ZDHHC15: variants seen among roughly 807,000 people sequenced by gnomAD.
The protein encoded by ZDHHC15 is zDHHC palmitoyltransferase 15.
A neutral mutation model predicts 31.7 loss-of-function variants in ZDHHC15; 19 were observed. The observed-to-expected ratio is 0.60, with a 90% CI of 0.42 to 0.88. The LOEUF (loss-of-function observed/expected upper bound fraction) is 0.88. Ranked by LOEUF, ZDHHC15 falls within the 40% of genes least tolerant of loss-of-function variation. ZDHHC15 has a pLI of 0.00. For synonymous variants in ZDHHC15, 103 were observed against 90.0 expected (o/e 1.14, Z -0.82); for missense variants, 209 against 251.2 (o/e 0.83, Z 1.14).
In ZDHHC15 at chrX:75,429,092, T is replaced by C. The variant is rs909686699; in HGVS notation, c.589A>G (p.Ile197Val). The change falls in exon 7 of 12, where the codon ATC (isoleucine) becomes GTC (valine). Residue 197 changes from isoleucine to valine, a missense_variant. Ile to Val is a conservative substitution (Grantham distance 29). Coordinates refer to ENST00000373367, the MANE Select transcript of ZDHHC15 (RefSeq NM_144969.3). ...YIATTVFSYFIKYWRGELPSV... is the reference protein window; with the variant it reads ...YIATTVFSYFVKYWRGELPSV... ...TTTTAACTTACTCTCCAGTATTTGATGAAATAGCTGAAGACTGTCGTAGCA... is the reference window on the plus strand; with the variant it reads ...TTTTAACTTACTCTCCAGTATTTGACGAAATAGCTGAAGACTGTCGTAGCA... 5.0e-6 allele frequency: 6 copies of C among 1,208,039 alleles called. No individual in the cohort carries two copies. Among genetic ancestry groups the C allele is most frequent in the Non-Finnish European group, 5.6e-6 (5 of 894,190 alleles).
At chrX:75,517,467 C>T (rs1214197574) in intron 1 of ZDHHC15, among the ~76,000 whole-genome samples, 3 of 107,817 alleles carry the variant, frequency 2.8e-5, no homozygotes, top group Non-Finnish European at 3.8e-5. Context: ...AACCATCATT[C>T]TCAGCAAACT....
rs1239877403 is a variant in ZDHHC15 at position 75,383,091 on chromosome X, A to G, written c.968-3893T>C. On this transcript the variant is annotated intron_variant, in intron 10 of 11. Coordinates refer to ENST00000373367, the MANE Select transcript of ZDHHC15 (RefSeq NM_144969.3). ...AGGTAAACAGGAACAAAGGAGAGAT[A>G]CTGGGTGGTATAGTTGTTAAAAGAG... 2.7e-5 allele frequency among the ~76,000 whole-genome samples: 3 copies of G among 111,847 alleles called. No homozygotes were observed. The East Asian group carries it at 8.4e-4, about 31-fold the overall frequency.
chrX:75,446,626 C>T (rs997885239), intron 4 of ZDHHC15, among the ~76,000 whole-genome samples: 2 of 111,866 alleles, frequency 1.8e-5, no homozygotes, highest in African/African-American at 6.5e-5. Context: ...GTACCATAGA[C>T]TGGGTAGCTT....
intron 1 of ZDHHC15, among the ~76,000 whole-genome samples, chrX:75,521,565 C>T (rs2085441911): frequency 9.0e-6 from 1 of 110,703 alleles, no homozygotes; most frequent in African/African-American, 3.3e-5. Flanking sequence ...ACAAGCTATA[C>T]TGTGAGAACC....
At chrX:75,380,849 C>T (rs1187933828) in intron 10 of ZDHHC15, among the ~76,000 whole-genome samples, 1 of 111,337 alleles carries the variant, frequency 9.0e-6, no homozygotes, top group Non-Finnish European at 1.9e-5. Context: ...TTATTTTAGT[C>T]TTAGTGTGTG....
chrX:75,517,285 C>G (rs1375642473), intron 1 of ZDHHC15, among the ~76,000 whole-genome samples: 1 of 111,236 alleles, frequency 9.0e-6, no homozygotes, highest in East Asian at 2.8e-4. Context: ...GACACATGCA[C>G]AAGTATGTTT....
At chrX:75,473,156 T>C (rs1043931212) in intron 3 of ZDHHC15, among the ~76,000 whole-genome samples, 2 of 111,935 alleles carry the variant, frequency 1.8e-5, no homozygotes, top group African/African-American at 6.5e-5. Context: ...GGAATTCCCA[T>C]GTTCCCTATC....
chrX:75,496,214 C>A (rs1186264475), intron 2 of ZDHHC15, among the ~76,000 whole-genome samples: 1 of 110,913 alleles, frequency 9.0e-6, no homozygotes, highest in Non-Finnish European at 1.9e-5. Flanking sequence ...ATTCTTATAT[C>A]AGACAAAACA....
At chrX:75,374,134 G>C (rs983355499) in intron 11 of ZDHHC15, among the ~76,000 whole-genome samples, 1 of 108,721 alleles carries the variant, frequency 9.2e-6, no homozygotes, top group Admixed American at 1.0e-4. Context: ...CACAGGAACA[G>C]AAAACCAAAC....
At chrX:75,488,290 A>C (rs1178285281) in intron 2 of ZDHHC15, among the ~76,000 whole-genome samples, 1 of 112,107 alleles carries the variant, frequency 8.9e-6, no homozygotes, top group Non-Finnish European at 1.9e-5. Context: ...GTAAACTATA[A>C]AGAAAAACCT....
chrX:75,432,747 C>A lies in ZDHHC15; in HGVS notation c.380-1227G>T, dbSNP rs767542030. 2.7e-5 allele frequency among the ~76,000 whole-genome samples: 3 copies of A among 111,061 alleles called. No individual in the cohort carries two copies. In the Admixed American group the frequency reaches 2.9e-4, roughly 11 times the overall value. Reference sequence around the variant, plus strand: ...ATCCCAGCACTTTGAGAGACTGAGGCACAACTATCGCTTGAGACCAAGAGT... The same window carrying A: ...ATCCCAGCACTTTGAGAGACTGAGGAACAACTATCGCTTGAGACCAAGAGT... On this transcript the variant is annotated intron_variant, in intron 4 of 11. Transcript: ENST00000373367.
intron 2 of ZDHHC15, among the ~76,000 whole-genome samples, chrX:75,492,842 A>G (rs1291985162): frequency 8.9e-6 from 1 of 112,060 alleles, no homozygotes; most frequent in East Asian, 2.8e-4. Context: ...AAGATATAAA[A>G]TTGACACCCT....
intron 10 of ZDHHC15, among the ~76,000 whole-genome samples, chrX:75,412,010 G>A (rs891915758): frequency 8.9e-6 from 1 of 111,840 alleles, no homozygotes; most frequent in Non-Finnish European, 1.9e-5. Context: ...ATGGCCAACA[G>A]GTGTGTGAAA....
At chrX:75,440,122 A>G (rs919468768) in intron 4 of ZDHHC15, among the ~76,000 whole-genome samples, 2 of 111,506 alleles carry the variant, frequency 1.8e-5, no homozygotes, top group Non-Finnish European at 3.8e-5. Context: ...AGATTTTTTT[A>G]TGGCCCTGGT....
At chrX:75,489,715 C>G (rs1344095049) in intron 2 of ZDHHC15, among the ~76,000 whole-genome samples, 1 of 112,429 alleles carries the variant, frequency 8.9e-6, no homozygotes, top group Non-Finnish European at 1.9e-5. Context: ...CAGCTCCTCA[C>G]CAGCAATGGA....
At chrX:75,382,676 T>C (rs1020749690) in intron 10 of ZDHHC15, among the ~76,000 whole-genome samples, 57 of 112,146 alleles carry the variant, frequency 5.1e-4, no homozygotes, top group African/African-American at 1.7e-3. Context: ...ATGAATCAAT[T>C]TGCATGTTTA....
At chrX:75,406,079 A>C (rs1343397713) in intron 10 of ZDHHC15, among the ~76,000 whole-genome samples, 1 of 112,061 alleles carries the variant, frequency 8.9e-6, no homozygotes, top group Non-Finnish European at 1.9e-5. Context: ...AACACATAGA[A>C]ATTAAAAAGC....
At chrX:75,500,565 AGAG>A (rs1189150984) in intron 2 of ZDHHC15, among the ~76,000 whole-genome samples, 1 of 109,515 alleles carries the variant, frequency 9.1e-6, no homozygotes, top group East Asian at 2.8e-4. Context: ...GAATAGTGAT[AGAG>A]GAGGCAGTGT....
intron 2 of ZDHHC15, among the ~76,000 whole-genome samples, chrX:75,494,384 A>G (rs1350181156): frequency 9.0e-6 from 1 of 111,411 alleles, no homozygotes; most frequent in African/African-American, 3.3e-5. Flanking sequence ...ATTCAATGCC[A>G]TCCCCATCAA....
Sources: allele counts gnomAD v4.1 joint callset (sites outside exome capture counted in the v4.1 genomes callset), GRCh38; gene constraint gnomAD v4.1.1; transcripts MANE v1.5; gene names NCBI Gene and HGNC (gene_info 2026-07-23, HGNC 2026-07-21).